CENPH: variants seen among roughly 807,000 people sequenced by gnomAD.
CENPH encodes the protein centromere protein H.
Under a neutral mutation model 42.9 loss-of-function variants are expected in CENPH, and 40 were observed. The ratio of observed to expected loss-of-function variants is 0.93; its 90% CI spans 0.72 to 1.21. The LOEUF (loss-of-function observed/expected upper bound fraction) is 1.21. CENPH is among the 50% of genes most tolerant of loss of function. The probability of loss-of-function intolerance (pLI) is 0.00; values close to 1 mark genes in which losing one functional copy is unlikely to be tolerated. For missense variants in CENPH, 302 were observed against 292.9 expected, an observed-to-expected ratio of 1.03 and a Z score of -0.23; for synonymous variants, 88 against 96.5, an observed-to-expected ratio of 0.91 and a Z score of 0.52.
intron 3 of CENPH, among the ~76,000 whole-genome samples, chr5:69,195,476 A>G (rs1388722034): frequency 1.3e-5 from 2 of 152,154 alleles, no homozygotes; most frequent in Non-Finnish European, 2.9e-5. Flanking sequence ...ATGGAGATTT[A>G]TATGTACACA....
Position 69,191,826 on chromosome 5 carries a change from GA to G in CENPH, c.168del (p.Glu56AspfsTer37). On this transcript the variant is annotated frameshift_variant, in exon 2 of 9. Transcript: ENST00000283006. LOFTEE classifies it high-confidence loss of function. ...AGCACAGACAAAACAACAACTCTTA[GA>G]ATATAAATCAATGGTTGATGCAAGT... ...LRAQTKQQLL[E>X]YKSMVDASEE... 1 of 1,550,310 alleles carries G rather than the reference GA, an allele frequency of 6.5e-7. No individual in the cohort carries two copies. The highest frequency in any genetic ancestry group is 8.9e-7 in the Non-Finnish European group (1 of 1,123,304).
intron 1 of CENPH, among the ~76,000 whole-genome samples, chr5:69,191,575 G>T (rs1191292930): frequency 6.6e-6 from 1 of 152,156 alleles, no homozygotes. Flanking sequence ...TGTTTTCCCA[G>T]TGTATTCCAT....
At chr5:69,190,081 A>G (rs547846678) in intron 1 of CENPH, among the ~76,000 whole-genome samples, 4 of 152,122 alleles carry the variant, frequency 2.6e-5, no homozygotes, top group Non-Finnish European at 5.9e-5. Context: ...TTTACAGACA[A>G]ATTGAATGCC....
intron 7 of CENPH, among the ~76,000 whole-genome samples, chr5:69,203,412 G>GC (rs1294146536): frequency 2.0e-5 from 3 of 152,042 alleles, no homozygotes; most frequent in African/African-American, 7.2e-5. Context: ...TGTCGCCCAT[G>GC]CTGGAGTGCA....
At chr5:69,202,786 T>G (rs1448606324) in intron 6 of CENPH, 133 bp from the exon 7 acceptor site, 2 of 645,150 alleles carry the variant, frequency 3.1e-6, no homozygotes, top group Non-Finnish European at 5.3e-6. Flanking sequence ...TTCCTTTTGC[T>G]GTCTGGAAAT....
rs530678541 is a variant in CENPH at position 69,204,597 on chromosome 5, C to CTTTTTTTTTTT, written c.487+1641_487+1651dup. ...GAGCTACCACACCTGGCTTGTATTT[C>CTTTTTTTTTTT]TTTTTTTTTTTTTTTTTTTTTTTTG... On this transcript the variant is annotated intron_variant, in intron 7 of 8. Transcript: ENST00000283006. Among the ~76,000 whole-genome samples, 157 of 69,594 alleles carry CTTTTTTTTTTT rather than the reference C, an allele frequency of 2.3e-3. 19 individuals are homozygous for CTTTTTTTTTTT. Among genetic ancestry groups the CTTTTTTTTTTT allele is most frequent in the South Asian group, 5.2e-3 (8 of 1,540 alleles). 45.7% of individuals were successfully genotyped at this position (69,594 alleles called of 152,430 possible).
chr5:69,200,855 G>A (rs557627343), intron 5 of CENPH, among the ~76,000 whole-genome samples: 6 of 147,044 alleles, frequency 4.1e-5, no homozygotes, highest in Non-Finnish European at 6.0e-5. Flanking sequence ...CTCCTGCCTC[G>A]GCCTCCTGAG....
chr5:69,202,512 C>A lies in CENPH; in HGVS notation c.378C>A (p.Leu126=). The A allele has an allele frequency of 1.3e-6, 2 of 1,547,082 alleles. No individual in the cohort carries two copies. The highest frequency in any genetic ancestry group is 2.3e-5 in the South Asian group (2 of 86,278). ...LEKISRQSSV[L]MDNMKHLLEL... ...CTTTTTGTTTCCTTTTCAGTGTGCT[C>A]ATGGATAACATGAAACACCTATTAG... Residue 126 remains leucine, a synonymous_variant, in exon 6 of 9, where the codon CTC becomes CTA. Coordinates refer to ENST00000283006, the MANE Select transcript of CENPH (RefSeq NM_022909.4).
chr5:69,189,764 C>T lies in CENPH; in HGVS notation c.130C>T (p.Leu44Phe), dbSNP rs372857187. Residue 44 changes from leucine to phenylalanine, a missense_variant, in exon 1 of 9, where the codon CTC becomes TTC. Leu to Phe is a conservative substitution (Grantham distance 22). Transcript: ENST00000283006. ...ACSEDRMTLL[L>F]RLRAQTKQQL... ...CAGCGAGGACCGCATGACCCTGCTC[C>T]TCAGGTTGTTCCCTTTGGCCTCCTC... 238 of 1,499,024 alleles carry T rather than the reference C, an allele frequency of 1.6e-4. No homozygotes were observed. In the African/African-American group the frequency reaches 2.8e-3, roughly 18 times the overall value. The allele number at this position is 1,499,024 out of a possible 1,614,324, so 92.9% of individuals were successfully genotyped here.
At chr5:69,199,386 G>C (rs559232893) in intron 5 of CENPH, among the ~76,000 whole-genome samples, 63 of 152,294 alleles carry the variant, frequency 4.1e-4, no homozygotes, top group African/African-American at 1.5e-3. Flanking sequence ...TGTTGCCCAG[G>C]CTGGTCGCGA....
chr5:69,208,620 A>G lies in CENPH; in HGVS notation c.651+261A>G, dbSNP rs564923468. Among the ~76,000 whole-genome samples the G allele has an allele frequency of 2.2e-4, 34 of 152,186 alleles. No individual in the cohort carries two copies. The East Asian group carries it at 6.6e-3, about 29-fold the overall frequency. ...GTGATCCGTCTGCCTCAGCCTCCCA[A>G]AGTGCTGGGATTACAGGCATGAGCC... is the stretch of plus-strand genomic sequence containing the variant. On this transcript the variant is annotated intron_variant, in intron 8 of 8. Coordinates refer to ENST00000283006, the MANE Select transcript of CENPH (RefSeq NM_022909.4).
chr5:69,205,506 C>T (rs185356949), intron 7 of CENPH, among the ~76,000 whole-genome samples: 71 of 152,210 alleles, frequency 4.7e-4, no homozygotes, highest in Admixed American at 2.5e-3. Context: ...GGATTATAGG[C>T]GTAAGCCACT....
intron 4 of CENPH, among the ~76,000 whole-genome samples, chr5:69,196,648 A>T (rs1369114195): frequency 6.6e-6 from 1 of 151,646 alleles, no homozygotes; most frequent in Non-Finnish European, 1.5e-5. Flanking sequence ...TTCCCTCTCA[A>T]AAAACAAAAA....
chr5:69,192,775 A>G (rs1747897416), intron 2 of CENPH, among the ~76,000 whole-genome samples: 1 of 152,174 alleles, frequency 6.6e-6, no homozygotes, highest in Non-Finnish European at 1.5e-5. Context: ...CAACAGAGAA[A>G]TAAGTATTGA....
chr5:69,209,353 T>C (rs937944689), intron 8 of CENPH, among the ~76,000 whole-genome samples: 34 of 151,706 alleles, frequency 2.2e-4, no homozygotes, highest in African/African-American at 8.2e-4. Flanking sequence ...GCTGAGCCAA[T>C]ACGTTGAAAC....
intron 7 of CENPH, among the ~76,000 whole-genome samples, chr5:69,205,400 AT>A (rs1748135464): frequency 6.7e-6 from 1 of 149,024 alleles, no homozygotes; most frequent in South Asian, 2.1e-4. Flanking sequence ...TAATTTTTGT[AT>A]TTTTAGTAGA....
Position 69,210,106 on chromosome 5 carries a change from G to GT in CENPH, c.*309dup. The GT allele has an allele frequency of 5.7e-6, 1 of 176,790 alleles. No individual in the cohort carries two copies. Among genetic ancestry groups the GT allele is most frequent in the South Asian group, 1.3e-4 (1 of 7,880 alleles). 11.0% of individuals were successfully genotyped at this position (176,790 alleles called of 1,614,324 possible). On this transcript the variant is annotated 3_prime_UTR_variant, in exon 9 of 9. Transcript: ENST00000283006. ...AACCTCTGCCTCCCGGGTTCAAGCA[G>GT]TTCTGCCTCAGCCTCCCAAGTAGCT...
chr5:69,202,466 C>T (rs754225650), intron 5 of CENPH, 40 bp from the exon 6 acceptor site: 3 of 1,174,814 alleles, frequency 2.6e-6, no homozygotes, highest in Middle Eastern at 2.4e-4. Context: ...AATTAAGTTA[C>T]AAATAACCTT....
chr5:69,192,476 A>G (rs1747892732), intron 2 of CENPH, among the ~76,000 whole-genome samples: 1 of 152,252 alleles, frequency 6.6e-6, no homozygotes. Context: ...GGCAGGCCAC[A>G]GGAAGTTTAG....
Sources: gnomAD v4.1 joint callset for allele counts (sites outside exome capture counted in the v4.1 genomes callset) on GRCh38, gnomAD v4.1.1 for gene constraint, MANE v1.5 for transcripts, NCBI Gene and HGNC (gene_info 2026-07-23, HGNC 2026-07-21) for gene names.